The following RIF1 variants were observed in gnomAD, a reference collection of about 807,000 sequenced individuals.
RIF1 encodes the protein replication timing regulatory factor 1.
RIF1 carries 45 observed loss-of-function variants against 247.1 expected under a neutral mutation model. The observed-to-expected ratio is 0.18, with a 90% CI of 0.14 to 0.23. The LOEUF is 0.23. RIF1 is among the 10% of genes least tolerant of loss of function. RIF1 has a pLI of 1.00. For synonymous variants in RIF1, 1,087 were observed against 978.8 expected, an observed-to-expected ratio of 1.11 and a Z score of -2.06; for missense variants, 2,967 against 2,862.5, an observed-to-expected ratio of 1.04 and a Z score of -0.83.
At chr2:151,412,630 G>A (rs536848632) in intron 3 of RIF1, among the ~76,000 whole-genome samples, 1 of 152,194 alleles carries the variant, frequency 6.6e-6, no homozygotes, top group East Asian at 1.9e-4. Flanking sequence ...TGGGATTACA[G>A]GCATGCCCCC....
At chr2:151,526,220 G>C in the RIF1 span, 4 of 1,613,552 alleles carry the variant, frequency 2.5e-6, no homozygotes, top group African/African-American at 4.0e-5. Flanking sequence ...GGTACGGCAT[G>C]GCAGGTTCCT....
chr2:151,506,196 T>G, intron 12 of RIF1: 1 of 1,613,660 alleles, frequency 6.2e-7, no homozygotes, highest in Non-Finnish European at 8.5e-7. Flanking sequence ...TTTGTTTCAC[T>G]CTCATCATCT....
chr2:151,454,752 G>T, intron 21 of RIF1, 143 bp from the exon 22 acceptor site: 1 of 579,208 alleles, frequency 1.7e-6, no homozygotes, highest in Non-Finnish European at 3.0e-6. Context: ...ATTATGTTAT[G>T]ATTTGTTTGG....
the RIF1 span, among the ~76,000 whole-genome samples, chr2:151,534,061 C>T: frequency 0.026 from 3,907 of 152,272 alleles, 66 homozygotes; most frequent in African/African-American, 0.042. Context: ...AAATAGCTGA[C>T]GGGCTTTTTG....
intron 13 of RIF1, among the ~76,000 whole-genome samples, chr2:151,437,642 G>A (rs1232216422): frequency 3.9e-5 from 6 of 152,176 alleles, no homozygotes; most frequent in African/African-American, 1.2e-4. Context: ...AGTGAGCCAA[G>A]ATTGTGCCAC....
intron 11 of RIF1, 68 bp from the exon 12 acceptor site, chr2:151,436,759 G>A (rs374146631): frequency 1.8e-6 from 2 of 1,097,372 alleles, no homozygotes; most frequent in East Asian, 2.6e-5. Context: ...GAAATGAAAT[G>A]TATGCATTTG....
chr2:151,498,001 G>A (rs910674725), intron 10 of RIF1: 5 of 1,433,984 alleles, frequency 3.5e-6, no homozygotes, highest in Non-Finnish European at 4.5e-6. Flanking sequence ...ATGAGGATTT[G>A]AGACTGTTAG....
the RIF1 span, chr2:151,525,987 C>A: frequency 6.2e-7 from 1 of 1,613,988 alleles, no homozygotes; most frequent in Admixed American, 1.7e-5. Context: ...ACTTCCTTGA[C>A]GTGAACAGTG....
intron 4 of RIF1, among the ~76,000 whole-genome samples, chr2:151,415,573 A>AAAAAAG (rs1687066634): frequency 6.0e-5 from 1 of 16,776 alleles, no homozygotes; most frequent in African/African-American, 6.7e-5. Flanking sequence ...CAAAAAAAAA[A>AAAAAAG]AAAAAAAAAA....
chr2:151,488,793 GATCATATAATTAA>G (rs1471951878), intron 9 of RIF1, among the ~76,000 whole-genome samples: 1 of 152,102 alleles, frequency 6.6e-6, no homozygotes, highest in African/African-American at 2.4e-5. Flanking sequence ...GGTTACCTCA[GATCATATAATTAA>G]ATAACTTACC....
chr2:151,491,753 A>T lies in RIF1; in HGVS notation c.*416-3476A>T, dbSNP rs752821359. On this transcript the variant is annotated intron_variant and NMD_transcript_variant, in intron 9 of 13. Coordinates refer to the RIF1 transcript ENST00000454583. The stretch of plus-strand genomic sequence containing the variant: ...GATCATAGTCAAAAACCGAACCAGG[A>T]TTAGTACGCCAGACACGTAAACCTG... The T allele has an allele frequency of 1.3e-6, 2 of 1,593,294 alleles. No homozygotes were observed. Among genetic ancestry groups the T allele is most frequent in the East Asian group, 4.5e-5 (2 of 44,132 alleles).
At chr2:151,521,512 A>G in the RIF1 span, among the ~76,000 whole-genome samples, 1 of 152,236 alleles carries the variant, frequency 6.6e-6, no homozygotes, top group Non-Finnish European at 1.5e-5. Context: ...AAACTAGGAG[A>G]TGTTCCCAAG....
chr2:151,462,972 C>G lies in RIF1; in HGVS notation c.3452C>G (p.Ser1151Trp), dbSNP rs140673396. The G allele has an allele frequency of 1.9e-6, 3 of 1,613,808 alleles. No homozygotes were observed. The African/African-American group carries it at 4.0e-5, about 22-fold the overall frequency. ...MAEHLEKSSL[S>W]NNECGSLDKT... is the part of the protein sequence containing the mutation. ...GAACATCTTGAAAAGTCCTCCCTTT[C>G]GAATAATGAGTGTGGTTCTCTTGAC... is the stretch of plus-strand genomic sequence containing the variant. Residue 1151 changes from serine (S) to tryptophan (W), a missense_variant, in exon 30 of 36, where the codon TCG becomes TGG. This residue lies in a region of RIF1 where 2,028 missense variants were observed against 1,825.6 expected (regional missense o/e 1.11). Coordinates refer to ENST00000444746, the MANE Select transcript of RIF1 (RefSeq NM_018151.5).
intron 8 of RIF1, among the ~76,000 whole-genome samples, chr2:151,426,168 A>ATTTTTTTTTTTTTTTTTTTTTTTTTTTTT (rs35001554): frequency 1.0e-4 from 6 of 58,212 alleles, no homozygotes; most frequent in South Asian, 6.9e-4. Flanking sequence ...TTGGCTTTTA[A>ATTTTTTTTTTTTTTTTTTTTTTTTTTTTT]TTTTTTTTTT....
Position 151,469,940 on chromosome 2 carries a change from ATCACT to A in RIF1, c.7095+80_7095+84del, listed in dbSNP as rs1051486515. The stretch of plus-strand genomic sequence containing the variant: ...TACAGTTACAGAAGTTTGTTAAAAG[ATCACT>A]TCATAATGGCACAGGGAAATTGATT... On this transcript the variant is annotated intron_variant, in intron 34 of 35. Transcript: ENST00000444746. The A allele has an allele frequency of 8.5e-6, 9 of 1,054,378 alleles. No individual in the cohort carries two copies. In the African/African-American group the frequency reaches 1.1e-4, roughly 13 times the overall value. The allele number at this position is 1,054,378 out of a possible 1,614,324, so 65.3% of individuals were successfully genotyped here. A position where few individuals can be genotyped will look rare whatever the true frequency, so the allele number is the denominator to read the frequency against.
At chr2:151,501,518 GACCCATC>G (rs1439777502) in intron 11 of RIF1, 1 of 1,248,374 alleles carries the variant, frequency 8.0e-7, no homozygotes, top group East Asian at 2.7e-5. Context: ...AATCAACCTG[GACCCATC>G]ATTTTTTAGG....
chr2:151,516,462 ACT>A, the RIF1 span: 1 of 1,606,206 alleles, frequency 6.2e-7, no homozygotes, highest in African/African-American at 1.3e-5. Flanking sequence ...GACTTACCCC[ACT>A]CTGCATCTGC....
intron 9 of RIF1, chr2:151,493,889 C>A (rs1277273626): frequency 1.4e-6 from 2 of 1,434,878 alleles, no homozygotes; most frequent in African/African-American, 2.9e-5. Context: ...AAAGTCATGC[C>A]CGAAAGTCAC....
At chr2:151,448,293 C>T (rs139187685) in intron 20 of RIF1, among the ~76,000 whole-genome samples, 4 of 152,268 alleles carry the variant, frequency 2.6e-5, no homozygotes, top group African/African-American at 7.2e-5. Flanking sequence ...ATTAGCCCAC[C>T]TCAGCCTTCC....
Sources: allele counts gnomAD v4.1 joint callset (sites outside exome capture counted in the v4.1 genomes callset), GRCh38; gene constraint gnomAD v4.1.1; regional missense constraint gnomAD v4.1.1; transcripts MANE v1.5; gene names NCBI Gene and HGNC (gene_info 2026-07-23, HGNC 2026-07-21).